Variants in LGR4 observed in about 807,000 individuals in gnomAD.
LGR4 encodes leucine-rich repeat-containing G protein-coupled receptor 4.
In LGR4, 44 loss-of-function variants were observed where a neutral mutation model predicts 84.8. The ratio of observed to expected loss-of-function variants is 0.52; its 90% CI spans 0.41 to 0.67. LGR4 has a LOEUF of 0.67. Ranked by LOEUF, LGR4 falls within the 30% of genes least tolerant of loss-of-function variation. LGR4 has a pLI of 0.00. For missense variants in LGR4, 1,032 were observed against 1,131.4 expected (o/e 0.91, Z 1.26); for synonymous variants, 429 against 434.3 (o/e 0.99, Z 0.15).
At position 27,392,451 on chromosome 11, in the gene LGR4, C is replaced by T. The variant is rs768110034; in HGVS notation, c.325G>A (p.Val109Ile). The change falls in exon 3 of 18, where the codon GTT (valine) becomes ATT (isoleucine). Residue 109 changes from valine to isoleucine, a missense_variant. By Grantham distance (29) the Val-to-Ile change is conservative. Coordinates refer to ENST00000379214, the MANE Select transcript of LGR4 (RefSeq NM_018490.5). ...KALSGLKELK[V>I]LTLQNNQLKT... The stretch of plus-strand genomic sequence containing the variant: ...CTCTAAAATTGCATTACTTACAGAA[C>T]TTTGAGTTCTTTCAACCCAGACAAG... 1.2e-5 allele frequency: 19 copies of T among 1,589,290 alleles called. No individual in the cohort carries two copies. Among genetic ancestry groups the T allele is most frequent in the Middle Eastern group, 1.7e-4 (1 of 5,934 alleles).
chr11:27,370,484 G>T (rs1364504201), intron 17 of LGR4, among the ~76,000 whole-genome samples: 12 of 152,182 alleles, frequency 7.9e-5, no homozygotes, highest in Admixed American at 7.2e-4. Flanking sequence ...CCTGTCTTTG[G>T]AAGCCTGCTG....
chr11:27,411,579 C>T (rs897319859), intron 2 of LGR4, among the ~76,000 whole-genome samples: 1 of 152,052 alleles, frequency 6.6e-6, no homozygotes, highest in Non-Finnish European at 1.5e-5. Context: ...AATGAATTCA[C>T]TCTGTCTTCT....
At chr11:27,451,587 A>G (rs941555034) in intron 1 of LGR4, among the ~76,000 whole-genome samples, 1 of 152,254 alleles carries the variant, frequency 6.6e-6, no homozygotes, top group African/African-American at 2.4e-5. Context: ...ATGAAAGGAA[A>G]TTAAGGTTGT....
chr11:27,458,518 T>G lies in LGR4; in HGVS notation c.185+13600A>C, dbSNP rs116626682. ...GAGTTTTCTCTATAAATTCATAGTT[T>G]TTTTGTTTTCTTAATTTTTTTAAGT... is the stretch of plus-strand genomic sequence containing the variant. On this transcript the variant is annotated intron_variant, in intron 1 of 17. Transcript: ENST00000379214. Among the ~76,000 whole-genome samples, 466 of 151,844 alleles carry G rather than the reference T, an allele frequency of 3.1e-3. 3 individuals carry two copies. Among genetic ancestry groups the G allele is most frequent in the African/African-American group, 0.011 (451 of 41,540 alleles).
At chr11:27,394,709 C>T (rs561030008) in intron 2 of LGR4, among the ~76,000 whole-genome samples, 2 of 152,078 alleles carry the variant, frequency 1.3e-5, no homozygotes, top group Non-Finnish European at 2.9e-5. Flanking sequence ...CTCATTTGTA[C>T]CCCCTTAAAC....
At chr11:27,447,131 A>G (rs1864405370) in intron 1 of LGR4, among the ~76,000 whole-genome samples, 1 of 152,086 alleles carries the variant, frequency 6.6e-6, no homozygotes, top group Non-Finnish European at 1.5e-5. Context: ...ACATGTATAC[A>G]TATGTAACAA....
intron 1 of LGR4, among the ~76,000 whole-genome samples, chr11:27,442,412 G>A (rs541154981): frequency 2.2e-4 from 34 of 152,078 alleles, no homozygotes; most frequent in African/African-American, 4.8e-4. Context: ...ACACAACTAC[G>A]TTACCTACCT....
intron 1 of LGR4, among the ~76,000 whole-genome samples, chr11:27,436,367 A>AAG (rs1864209070): frequency 6.8e-6 from 1 of 146,018 alleles, no homozygotes; most frequent in Non-Finnish European, 1.5e-5. Flanking sequence ...GAAAGAAAGA[A>AAG]AGAAAGAGAG....
Position 27,430,478 on chromosome 11 carries a change from A to G in LGR4, c.186-17618T>C, listed in dbSNP as rs542656929. On this transcript the variant is annotated intron_variant, in intron 1 of 17. Coordinates refer to ENST00000379214, the MANE Select transcript of LGR4 (RefSeq NM_018490.5). ...ATAACTTGATAATGACTATTTTTCTAAAATGTTATCTGTGCTTCTCTGTTT... is the reference window on the plus strand; with the variant it reads ...ATAACTTGATAATGACTATTTTTCTGAAATGTTATCTGTGCTTCTCTGTTT... Among the ~76,000 whole-genome samples, 234 of 152,326 alleles carry G rather than the reference A, an allele frequency of 1.5e-3. 11 individuals are homozygous for G. In the South Asian group the frequency reaches 0.044, roughly 29 times the overall value.
chr11:27,438,271 C>T (rs1380951924), intron 1 of LGR4, among the ~76,000 whole-genome samples: 3 of 152,166 alleles, frequency 2.0e-5, no homozygotes, highest in Admixed American at 6.5e-5. Context: ...AAATGCAAGT[C>T]TAGAATGAAC....
chr11:27,435,415 A>G lies in LGR4; in HGVS notation c.186-22555T>C, dbSNP rs114194086. On this transcript the variant is annotated intron_variant, in intron 1 of 17. Transcript: ENST00000379214. ...ACTAGACAGAGTCTCTTAAATGATC[A>G]AATTCTAATGATGGTATTATCCTTT... Among the ~76,000 whole-genome samples, 1,167 of 152,272 alleles carry G rather than the reference A, an allele frequency of 7.7e-3. 13 individuals are homozygous for G. Among genetic ancestry groups the G allele is most frequent in the African/African-American group, 0.026 (1,088 of 41,546 alleles).
chr11:27,448,418 G>A (rs1366867001), intron 1 of LGR4, among the ~76,000 whole-genome samples: 1 of 151,396 alleles, frequency 6.6e-6, no homozygotes, highest in African/African-American at 2.4e-5. Context: ...TCAGCCTCCT[G>A]AGTAGCTGGG....
intron 1 of LGR4, among the ~76,000 whole-genome samples, chr11:27,436,997 T>C (rs1864223427): frequency 6.6e-6 from 1 of 152,198 alleles, no homozygotes; most frequent in Non-Finnish European, 1.5e-5. Context: ...GGTTACTAAC[T>C]AGTTTTAATT....
intron 1 of LGR4, among the ~76,000 whole-genome samples, chr11:27,471,359 C>G (rs1864868670): frequency 6.6e-6 from 1 of 152,252 alleles, no homozygotes; most frequent in Non-Finnish European, 1.5e-5. Flanking sequence ...TGCTCCGGAA[C>G]TTGCTTCTCT....
intron 3 of LGR4, among the ~76,000 whole-genome samples, chr11:27,392,246 T>A (rs986388284): frequency 1.3e-5 from 2 of 151,748 alleles, no homozygotes; most frequent in Non-Finnish European, 1.5e-5. Flanking sequence ...GAATACGTAT[T>A]ATTTAGAGTT....
At chr11:27,439,515 A>G (rs1864265469) in intron 1 of LGR4, among the ~76,000 whole-genome samples, 1 of 152,212 alleles carries the variant, frequency 6.6e-6, no homozygotes, top group Admixed American at 6.5e-5. Context: ...GCTATTGTGA[A>G]TAATGCTGCT....
At chr11:27,466,430 G>C (rs1025908165) in intron 1 of LGR4, among the ~76,000 whole-genome samples, 10 of 152,122 alleles carry the variant, frequency 6.6e-5, no homozygotes, top group African/African-American at 2.4e-4. Context: ...AGAATAAAAG[G>C]CACAATCAAG....
chr11:27,436,837 T>A (rs1423631777), intron 1 of LGR4, among the ~76,000 whole-genome samples: 1 of 152,150 alleles, frequency 6.6e-6, no homozygotes, highest in Non-Finnish European at 1.5e-5. Context: ...GTCTTACGCT[T>A]GCAAATCTTG....
intron 16 of LGR4, 130 bp downstream of exon 16, chr11:27,372,153 T>C: frequency 2.9e-6 from 2 of 679,448 alleles, no homozygotes; most frequent in East Asian, 5.4e-5. Flanking sequence ...GCATGAGCCA[T>C]CACACCTGGC....
Sources: allele counts gnomAD v4.1 joint callset (sites outside exome capture counted in the v4.1 genomes callset), GRCh38; gene constraint gnomAD v4.1.1; transcripts MANE v1.5; gene names NCBI Gene and HGNC (gene_info 2026-07-23, HGNC 2026-07-21).